The following CCDC171 variants were observed in gnomAD, a reference collection of about 807,000 sequenced individuals.
CCDC171 encodes coiled-coil domain-containing protein 171.
CCDC171 carries 177 observed loss-of-function variants against 168.2 expected under a neutral mutation model. The ratio of observed to expected loss-of-function variants is 1.05; its 90% CI spans 0.93 to 1.19. The LOEUF (loss-of-function observed/expected upper bound fraction) is 1.19. Among genes scored for constraint, CCDC171 ranks in the 50% most tolerant of loss-of-function variants. CCDC171 has a pLI of 0.00. For synonymous variants in CCDC171, 687 were observed against 540.8 expected (o/e 1.27, Z -3.75); for missense variants, 1,991 against 1,539.0 (o/e 1.29, Z -4.91).
intron 25 of CCDC171, among the ~76,000 whole-genome samples, chr9:15,931,807 A>G (rs1384162242): frequency 6.6e-6 from 1 of 151,680 alleles, no homozygotes; most frequent in Non-Finnish European, 1.5e-5. Flanking sequence ...ATATGGTAAG[A>G]GGTAGGGGGT....
chr9:15,985,004 G>A (rs1035225087), intron 3 of CCDC171, among the ~76,000 whole-genome samples: 8 of 152,014 alleles, frequency 5.3e-5, no homozygotes, highest in African/African-American at 1.7e-4. Flanking sequence ...ATATATGAGA[G>A]AAAAGGCATC....
chr9:15,643,411 G>C (rs942616554), intron 7 of CCDC171, among the ~76,000 whole-genome samples: 1 of 152,156 alleles, frequency 6.6e-6, no homozygotes, highest in Non-Finnish European at 1.5e-5. Context: ...TATGCATCAT[G>C]CTTTATACCT....
intron 24 of CCDC171, among the ~76,000 whole-genome samples, chr9:15,887,503 A>T (rs1819588529): frequency 6.6e-6 from 1 of 152,196 alleles, no homozygotes; most frequent in South Asian, 2.1e-4. Context: ...ACTGTGGCAT[A>T]TAAAATTTTA....
rs914872072 is a variant in CCDC171, at chr9:15,637,467, T to TTTA, written c.822+14071_822+14073dup. ...TACTTTTTAAAATTTTTTTGTTTAT[T>TTTA]TTATTATTATTATTATTATACTTTA... On this transcript the variant is annotated intron_variant, in intron 7 of 25. Coordinates refer to ENST00000380701, the MANE Select transcript of CCDC171 (RefSeq NM_173550.4). 1.8e-4 allele frequency among the ~76,000 whole-genome samples: 27 copies of TTTA among 151,490 alleles called. No homozygotes were observed. In the South Asian group the frequency reaches 5.4e-3, roughly 30 times the overall value.
At chr9:16,047,715 A>G (rs1833683232) in intron 1 of CCDC171, among the ~76,000 whole-genome samples, 1 of 152,238 alleles carries the variant, frequency 6.6e-6, no homozygotes, top group Admixed American at 6.5e-5. Context: ...ACCTTGGGTA[A>G]ATGACTAATC....
chr9:15,690,190 T>C (rs1033084045), intron 10 of CCDC171, among the ~76,000 whole-genome samples: 3 of 152,138 alleles, frequency 2.0e-5, no homozygotes, highest in South Asian at 2.1e-4. Context: ...TAAATCTAGA[T>C]TGTGGATATG....
At chr9:15,766,165 G>T (rs1269692655) in intron 18 of CCDC171, among the ~76,000 whole-genome samples, 2 of 152,130 alleles carry the variant, frequency 1.3e-5, no homozygotes, top group East Asian at 3.9e-4. Flanking sequence ...AGGTCACTCT[G>T]TGTCACCTCC....
the CCDC171 span, among the ~76,000 whole-genome samples, chr9:16,076,623 C>T: frequency 6.6e-6 from 1 of 152,230 alleles, no homozygotes; most frequent in African/African-American, 2.4e-5. Flanking sequence ...TCCCTCAGCA[C>T]ATCTTCGTGC....
chr9:15,810,730 A>G (rs1255311634), intron 21 of CCDC171, among the ~76,000 whole-genome samples: 1 of 152,098 alleles, frequency 6.6e-6, no homozygotes, highest in Non-Finnish European at 1.5e-5. Context: ...CCCACCCGGA[A>G]CTCGCGCTGC....
At position 15,971,952 on chromosome 9, in the gene CCDC171, A is replaced by G; in HGVS notation, c.*116A>G. Reference sequence around the variant, plus strand: ...GCAGAAGTGGCAGTGGATTTAAAAAATTTGTGCGCTATCTTGATGTATTCT... The same window carrying G: ...GCAGAAGTGGCAGTGGATTTAAAAAGTTTGTGCGCTATCTTGATGTATTCT... On this transcript the variant is annotated 3_prime_UTR_variant, in exon 26 of 26. Coordinates refer to ENST00000380701, the MANE Select transcript of CCDC171 (RefSeq NM_173550.4). The G allele has an allele frequency of 1.2e-6, 1 of 852,040 alleles. No individual in the cohort carries two copies. The highest frequency in any genetic ancestry group is 1.7e-5 in the South Asian group (1 of 60,556). The allele number at this position is 852,040 out of a possible 1,614,324, so 52.8% of individuals were successfully genotyped here. A position where few individuals can be genotyped will look rare whatever the true frequency, so the allele number is the denominator to read the frequency against.
intron 21 of CCDC171, among the ~76,000 whole-genome samples, chr9:15,842,925 GA>G (rs1295018720): frequency 6.6e-6 from 1 of 151,720 alleles, no homozygotes; most frequent in Non-Finnish European, 1.5e-5. Context: ...CTATGGATAA[GA>G]AAAAATACAT....
chr9:15,686,530 A>T (rs1051148167), intron 10 of CCDC171, among the ~76,000 whole-genome samples: 15 of 151,948 alleles, frequency 9.9e-5, no homozygotes, highest in Admixed American at 2.6e-4. Context: ...ATAAAAAAAT[A>T]AAAAAAAGAT....
At chr9:15,623,119 A>G (rs1432667425) in intron 6 of CCDC171, 148 bp from the exon 7 acceptor site, 2 of 462,862 alleles carry the variant, frequency 4.3e-6, no homozygotes, top group Admixed American at 3.9e-5. Flanking sequence ...ACATTGATGG[A>G]AAATATCTAG....
At position 15,557,974 on chromosome 9, in the gene CCDC171, T is replaced by C. The variant is rs138401479; in HGVS notation, c.-112+4672T>C. On this transcript the variant is annotated intron_variant, in intron 1 of 25. Coordinates refer to ENST00000380701, the MANE Select transcript of CCDC171 (RefSeq NM_173550.4). ...TGTTGTTGAATTTTGTCAAAGGCCT[T>C]TTCTGCATCTATTGAGATAATCATG... Among the ~76,000 whole-genome samples, 864 of 152,272 alleles carry C rather than the reference T, an allele frequency of 5.7e-3. 13 individuals are homozygous for C. The highest frequency in any genetic ancestry group is 0.02 in the African/African-American group (818 of 41,570).
the CCDC171 span, among the ~76,000 whole-genome samples, chr9:16,085,938 G>T: frequency 6.6e-6 from 1 of 152,022 alleles, no homozygotes; most frequent in Non-Finnish European, 1.5e-5. Context: ...TTATTGTTAC[G>T]TCTCTGCCAG....
At chr9:15,983,085 T>G (rs1332697656) in intron 3 of CCDC171, among the ~76,000 whole-genome samples, 1 of 152,230 alleles carries the variant, frequency 6.6e-6, no homozygotes, top group Non-Finnish European at 1.5e-5. Flanking sequence ...TTCTTGAAGC[T>G]CCTATTCTAG....
In CCDC171 at chr9:16,048,520, G is replaced by C. The variant is rs548664748; in HGVS notation, n.89+5634G>C. ...GACAACCCCCCTCAGTTTCTTTCAG[G>C]GTCCTCCTGTGCCCCTTATCTTTTA... On this transcript the variant is annotated intron_variant and non_coding_transcript_variant, in intron 1 of 1. Transcript: ENST00000478913. 1.8e-4 allele frequency among the ~76,000 whole-genome samples: 28 copies of C among 152,262 alleles called. No homozygotes were observed. In the South Asian group the frequency reaches 5.6e-3, roughly 30 times the overall value.
chr9:15,937,408 C>T (rs1046409682), intron 25 of CCDC171, among the ~76,000 whole-genome samples: 1 of 151,826 alleles, frequency 6.6e-6, no homozygotes, highest in African/African-American at 2.4e-5. Flanking sequence ...TGTATTTACA[C>T]CTTCCAGGGA....
rs935111383 is a variant in CCDC171, at chr9:15,802,943, G to T, written c.3267+18249G>T. ...GTTGTTTTTTGAGTTTTTAGTAATA[G>T]CCACTCTGACTGGTATGAGATGGTA... On this transcript the variant is annotated intron_variant, in intron 21 of 25. Coordinates refer to ENST00000380701, the MANE Select transcript of CCDC171 (RefSeq NM_173550.4). Among the ~76,000 whole-genome samples, 109 of 151,996 alleles carry T rather than the reference G, an allele frequency of 7.2e-4. 1 individual carries two copies. The highest frequency in any genetic ancestry group is 2.4e-3 in the African/African-American group (100 of 41,414).
Sources: allele counts gnomAD v4.1 joint callset (sites outside exome capture counted in the v4.1 genomes callset), GRCh38; gene constraint gnomAD v4.1.1; transcripts MANE v1.5; gene names NCBI Gene and HGNC (gene_info 2026-07-23, HGNC 2026-07-21).